Variants in LRRC4C observed in about 807,000 individuals in gnomAD.
LRRC4C encodes leucine-rich repeat-containing protein 4C.
LRRC4C carries 5 observed loss-of-function variants against 33.6 expected under a neutral mutation model. The observed-to-expected ratio is 0.15, with a 90% CI of 0.08 to 0.31. The LOEUF (loss-of-function observed/expected upper bound fraction) is 0.31. LRRC4C is among the 10% of genes least tolerant of loss of function. The probability of loss-of-function intolerance (pLI) is 1.00; values close to 1 mark genes in which losing one functional copy is unlikely to be tolerated. For missense variants in LRRC4C, 560 were observed against 796.7 expected (o/e 0.70, Z 3.58); for synonymous variants, 329 against 302.0 (o/e 1.09, Z -0.93).
intron 3 of LRRC4C, among the ~76,000 whole-genome samples, chr11:40,400,923 A>G (rs1209046825): frequency 6.6e-6 from 1 of 152,044 alleles, no homozygotes; most frequent in Non-Finnish European, 1.5e-5. Context: ...TCCCCTACCA[A>G]TCTATAAATT....
At chr11:40,952,884 ACACACACACACACTCT>A (rs756325285) in intron 1 of LRRC4C, among the ~76,000 whole-genome samples, 1,753 of 95,894 alleles carry the variant, frequency 0.018, 43 homozygotes, top group East Asian at 0.16. Context: ...ACACACACAC[ACACACACACACACTCT>A]CTCTCTCTCT....
chr11:41,327,124 C>T (rs1267858801), intron 1 of LRRC4C, among the ~76,000 whole-genome samples: 2 of 152,192 alleles, frequency 1.3e-5, no homozygotes, highest in African/African-American at 4.8e-5. Flanking sequence ...CATTAAATCC[C>T]ATTCTCTCTC....
Position 40,942,521 on chromosome 11 carries a change from C to T in LRRC4C, c.-495-8798G>A, listed in dbSNP as rs114825110. ...GAACTAATGTAGAAATACAGGACAA[C>T]ATGGTGAGTGTGGGGGCGTTGCAAG... On this transcript the variant is annotated intron_variant, in intron 1 of 6. Coordinates refer to ENST00000528697, the MANE Select transcript of LRRC4C (RefSeq NM_001258419.2). Among the ~76,000 whole-genome samples, 304 of 152,242 alleles carry T rather than the reference C, an allele frequency of 2.0e-3. 1 individual carries two copies. Among genetic ancestry groups the T allele is most frequent in the African/African-American group, 7.2e-3 (298 of 41,550 alleles).
At chr11:41,336,251 T>TAAAA (rs1208727322) in intron 1 of LRRC4C, among the ~76,000 whole-genome samples, 3 of 149,190 alleles carry the variant, frequency 2.0e-5, no homozygotes, top group African/African-American at 7.4e-5. Flanking sequence ...CCTTTTTTTT[T>TAAAA]AAAAAAAAAA....
chr11:40,354,984 G>A (rs1416156576), intron 3 of LRRC4C, among the ~76,000 whole-genome samples: 1 of 152,146 alleles, frequency 6.6e-6, no homozygotes, highest in African/African-American at 2.4e-5. Context: ...TCTTACCCAA[G>A]GCCCACGGGA....
At chr11:40,458,444 C>T (rs575845423) in intron 3 of LRRC4C, among the ~76,000 whole-genome samples, 61 of 152,238 alleles carry the variant, frequency 4.0e-4, no homozygotes, top group African/African-American at 1.4e-3. Context: ...TTCATAATTT[C>T]TCTTAAATCT....
In LRRC4C at chr11:40,429,773, T is replaced by C. The variant is rs375545409; in HGVS notation, c.-269-110052A>G. On this transcript the variant is annotated intron_variant, in intron 3 of 6. Coordinates refer to ENST00000528697, the MANE Select transcript of LRRC4C (RefSeq NM_001258419.2). ...TTTATAGAAGAAATGGGATGCACCA[T>C]AGGAGATTTTAGCCAGCATTTATTG... Among the ~76,000 whole-genome samples the C allele has an allele frequency of 3.7e-4, 57 of 152,278 alleles. No homozygotes were observed. In the South Asian group the frequency reaches 0.012, roughly 32 times the overall value.
intron 1 of LRRC4C, among the ~76,000 whole-genome samples, chr11:41,321,059 T>G: frequency 6.6e-6 from 1 of 152,220 alleles, no homozygotes; most frequent in Non-Finnish European, 1.5e-5. Context: ...TGCTTCTTCT[T>G]CTGCTGTGAG....
rs567860890 is a variant in LRRC4C, at chr11:41,226,202, G to A, written c.-496+233229C>T. Among the ~76,000 whole-genome samples the A allele has an allele frequency of 1.8e-4, 28 of 152,156 alleles. No individual in the cohort carries two copies. The South Asian group carries it at 5.8e-3, about 32-fold the overall frequency. On this transcript the variant is annotated intron_variant, in intron 1 of 6. Coordinates refer to ENST00000528697, the MANE Select transcript of LRRC4C (RefSeq NM_001258419.2). The stretch of plus-strand genomic sequence containing the variant: ...ACTCTTATATGTCACTCCCCTCTAT[G>A]GACCTTTCATGACTTTCTGAGATGA...
At chr11:40,203,816 A>G (rs914124845) in intron 5 of LRRC4C, among the ~76,000 whole-genome samples, 11 of 152,244 alleles carry the variant, frequency 7.2e-5, no homozygotes, top group Non-Finnish European at 1.5e-4. Context: ...CTGACTGGAT[A>G]AATATCTAAA....
intron 1 of LRRC4C, among the ~76,000 whole-genome samples, chr11:41,444,490 C>A (rs906854750): frequency 6.6e-6 from 1 of 152,152 alleles, no homozygotes; most frequent in African/African-American, 2.4e-5. Flanking sequence ...GTGCTAGAAC[C>A]AATCCCTCAT....
In LRRC4C at chr11:40,838,118, T is replaced by C. The variant is rs775665926; in HGVS notation, c.-407+95517A>G. On this transcript the variant is annotated intron_variant, in intron 2 of 6. Transcript: ENST00000528697. ...CTACTGGTATTTTTAATGTAACTTTTCTGAGAACTCCAGGTGAACTGAAAA... is the reference window on the plus strand; with the variant it reads ...CTACTGGTATTTTTAATGTAACTTTCCTGAGAACTCCAGGTGAACTGAAAA... 1.3e-3 allele frequency among the ~76,000 whole-genome samples: 195 copies of C among 152,194 alleles called. 5 individuals carry two copies. The highest frequency in any genetic ancestry group is 4.6e-4 in the Non-Finnish European group (31 of 68,026).
chr11:40,662,771 A>G (rs967101319), intron 2 of LRRC4C, among the ~76,000 whole-genome samples: 1 of 152,194 alleles, frequency 6.6e-6, no homozygotes, highest in Non-Finnish European at 1.5e-5. Flanking sequence ...TTGTTTAACC[A>G]CTACAACTCA....
chr11:40,863,902 A>G (rs1954224789), intron 2 of LRRC4C, among the ~76,000 whole-genome samples: 1 of 152,158 alleles, frequency 6.6e-6, no homozygotes, highest in Non-Finnish European at 1.5e-5. Flanking sequence ...TTCTTTACCA[A>G]TACAAGCTTA....
intron 1 of LRRC4C, among the ~76,000 whole-genome samples, chr11:41,317,248 ATTT>A (rs34146024): frequency 6.7e-6 from 1 of 148,788 alleles, no homozygotes; most frequent in African/African-American, 2.5e-5. Context: ...TAAGCCACTG[ATTT>A]TTTTTTTTTT....
At chr11:40,758,224 G>T (rs914274852) in intron 2 of LRRC4C, among the ~76,000 whole-genome samples, 11 of 152,120 alleles carry the variant, frequency 7.2e-5, no homozygotes, top group African/African-American at 2.6e-4. Flanking sequence ...TCTCCGAGGA[G>T]CTATGTTCTA....
At chr11:41,097,766 A>G (rs183213833) in intron 1 of LRRC4C, among the ~76,000 whole-genome samples, 3 of 152,176 alleles carry the variant, frequency 2.0e-5, no homozygotes, top group Middle Eastern at 3.4e-3. Context: ...TATTTTAACA[A>G]CTTTCCCAAA....
intron 2 of LRRC4C, among the ~76,000 whole-genome samples, chr11:40,930,349 G>A (rs982159969): frequency 1.3e-5 from 2 of 152,170 alleles, no homozygotes; most frequent in African/African-American, 2.4e-5. Context: ...AGTGGGGACT[G>A]GAGCCTATTG....
chr11:41,271,498 G>C (rs569961465), intron 1 of LRRC4C, among the ~76,000 whole-genome samples: 4 of 152,068 alleles, frequency 2.6e-5, no homozygotes, highest in African/African-American at 9.6e-5. Context: ...TGCAGGGCTG[G>C]CTCTCAACCC....
Sources: gnomAD v4.1 joint callset for allele counts (sites outside exome capture counted in the v4.1 genomes callset) on GRCh38, gnomAD v4.1.1 for gene constraint, MANE v1.5 for transcripts, NCBI Gene and HGNC (gene_info 2026-07-23, HGNC 2026-07-21) for gene names.